Variants in SBK1 observed in about 807,000 individuals in gnomAD.
SBK1 encodes serine/threonine-protein kinase SBK1.
SBK1 carries 11 observed loss-of-function variants against 24.4 expected under a neutral mutation model. That is an observed-to-expected ratio of 0.45 (90% CI 0.28 to 0.75). The LOEUF (loss-of-function observed/expected upper bound fraction) is 0.75. Among genes scored for constraint, SBK1 ranks in the 30% least tolerant of loss-of-function variants. SBK1 has a pLI of 0.12. For missense variants in SBK1, 467 were observed against 620.5 expected (o/e 0.75, Z 2.63); for synonymous variants, 308 against 284.4 (o/e 1.08, Z -0.83).
intron 1 of SBK1, among the ~76,000 whole-genome samples, chr16:28,296,344 C>T (rs930240361): frequency 2.0e-5 from 3 of 151,994 alleles, no homozygotes; most frequent in Non-Finnish European, 2.9e-5. Context: ...CCACCCTCCT[C>T]GGCCTCCCAA....
intron 1 of SBK1, among the ~76,000 whole-genome samples, chr16:28,272,402 G>A (rs978498833): frequency 5.9e-5 from 9 of 151,760 alleles, no homozygotes; most frequent in Admixed American, 5.9e-4. Flanking sequence ...TATTCATCTT[G>A]CTTTATTGAA....
At chr16:28,292,336 G>A (rs2044605045), upstream of SBK1, among the ~76,000 whole-genome samples, 1 of 145,512 alleles carries the variant, frequency 6.9e-6, no homozygotes, top group Admixed American at 6.8e-5. Context: ...AAGGGGGTGG[G>A]GGCGCCGCGC....
chr16:28,296,468 C>T (rs1163656395), intron 1 of SBK1, among the ~76,000 whole-genome samples: 3 of 152,120 alleles, frequency 2.0e-5, no homozygotes, highest in Non-Finnish European at 4.4e-5. Flanking sequence ...GAACACCTGA[C>T]CTCAGGTGAT....
In SBK1 at chr16:28,271,840, A is replaced by G. The variant is rs8047674; in HGVS notation, c.257+12338A>G. Among the ~76,000 whole-genome samples, 1,049 of 152,324 alleles carry G rather than the reference A, an allele frequency of 6.9e-3. 14 individuals carry two copies. The highest frequency in any genetic ancestry group is 0.024 in the African/African-American group (1,006 of 41,578). On this transcript the variant is annotated intron_variant, in intron 1 of 3. Transcript: ENST00000671413. The stretch of plus-strand genomic sequence containing the variant: ...ACCGAAACTTTTGAACAGAAAAGGG[A>G]AAGAAATTTAAAATGAAAATTTCTG...
chr16:28,313,177 C>T (rs1459290713), intron 1 of SBK1, among the ~76,000 whole-genome samples: 1 of 152,048 alleles, frequency 6.6e-6, no homozygotes, highest in Non-Finnish European at 1.5e-5. Context: ...TGCCTGTGGC[C>T]CCACCTTCTC....
chr16:28,308,743 GTGTGT>G (rs1567678504), intron 1 of SBK1, among the ~76,000 whole-genome samples: 8 of 112,216 alleles, frequency 7.1e-5, no homozygotes, highest in Admixed American at 2.4e-4. Context: ...TCTTTGGGGT[GTGTGT>G]GTGTGTGTGT....
At chr16:28,309,501 G>A (rs1341988075) in intron 1 of SBK1, among the ~76,000 whole-genome samples, 6 of 152,178 alleles carry the variant, frequency 3.9e-5, no homozygotes, top group African/African-American at 9.7e-5. Flanking sequence ...CAGTTGTGGC[G>A]ATGACTGCAC....
At chr16:28,279,413 CAA>C (rs34582546) in intron 1 of SBK1, among the ~76,000 whole-genome samples, 5,366 of 84,730 alleles carry the variant, frequency 0.063, 139 homozygotes, top group Middle Eastern at 0.083. Context: ...AAAACAAAAC[CAA>C]AAAAAAAAAA....
At chr16:28,271,299 G>A (rs1267735360) in intron 1 of SBK1, among the ~76,000 whole-genome samples, 1 of 152,130 alleles carries the variant, frequency 6.6e-6, no homozygotes, top group Non-Finnish European at 1.5e-5. Context: ...GCTCACACCT[G>A]TAATCTTAGC....
rs1265782208 is a variant in SBK1 at position 28,319,520 on chromosome 16, C to A, written c.429+323C>A. Among the ~76,000 whole-genome samples, 1 of 152,060 alleles carries A rather than the reference C, an allele frequency of 6.6e-6. No homozygotes were observed. The highest frequency in any genetic ancestry group is 1.5e-5 in the Non-Finnish European group (1 of 67,994). On this transcript the variant is annotated intron_variant, in intron 3 of 3. Coordinates refer to ENST00000341901, the MANE Select transcript of SBK1 (RefSeq NM_001024401.3). The surrounding 1 kb of genome is among the most constrained non-coding windows in gnomAD (Gnocchi z 4.0). Reference sequence around the variant, plus strand: ...GGTGTCAGATCCACCTGGGAAGGGGCCCTCAGAGGAAGCGACCCTGGAACC... The same window carrying A: ...GGTGTCAGATCCACCTGGGAAGGGGACCTCAGAGGAAGCGACCCTGGAACC...
At chr16:28,278,167 C>T (rs1158358395) in intron 1 of SBK1, among the ~76,000 whole-genome samples, 1 of 152,258 alleles carries the variant, frequency 6.6e-6, no homozygotes, top group Non-Finnish European at 1.5e-5. Context: ...CCATGGCCTC[C>T]GTCTCTCTCC....
At chr16:28,299,430 C>T (rs72791857) in intron 1 of SBK1, among the ~76,000 whole-genome samples, 27 of 152,306 alleles carry the variant, frequency 1.8e-4, no homozygotes, top group Non-Finnish European at 3.8e-4. Context: ...AGGGAAGAGT[C>T]TGCCTCCCTT....
Position 28,300,651 on chromosome 16 carries a change from C to G in SBK1, c.-8+7351C>G, listed in dbSNP as rs34159158. Among the ~76,000 whole-genome samples the G allele has an allele frequency of 1.1e-3, 167 of 152,294 alleles. 4 individuals are homozygous for G. In the East Asian group the frequency reaches 0.03, roughly 27 times the overall value. ...GCTTCCTATCTCAGAGTCTCAGTTT[C>G]CTGAACTGTAAAGGATGTAAGGGGA... On this transcript the variant is annotated intron_variant, in intron 1 of 3. Coordinates refer to ENST00000341901, the MANE Select transcript of SBK1 (RefSeq NM_001024401.3).
chr16:28,317,497 A>C lies in SBK1; in HGVS notation c.106A>C (p.Met36Leu). Residue 36 changes from methionine (M) to leucine (L), a missense_variant, in exon 2 of 4, where the codon ATG becomes CTG. Met to Leu is a conservative substitution (Grantham distance 15). This residue lies in a region of SBK1 where 123 missense variants were observed against 158.2 expected (regional missense o/e 0.78). Coordinates refer to ENST00000341901, the MANE Select transcript of SBK1 (RefSeq NM_001024401.3). The surrounding 1 kb of genome is among the most constrained non-coding windows in gnomAD (Gnocchi z 4.2). The part of the protein sequence containing the change: ...GAGVPLLTED[M>L]QALTLRTLAA... Reference sequence around the variant, plus strand: ...CGGTGTGCCCCTTCTCACTGAAGACATGCAGGCCCTGACTCTCCGCACACT... The same window carrying C: ...CGGTGTGCCCCTTCTCACTGAAGACCTGCAGGCCCTGACTCTCCGCACACT... The C allele has an allele frequency of 1.9e-6, 3 of 1,614,140 alleles. No individual in the cohort carries two copies. The highest frequency in any genetic ancestry group is 2.5e-6 in the Non-Finnish European group (3 of 1,180,022).
chr16:28,281,283 C>T (rs2044531866), intron 1 of SBK1, among the ~76,000 whole-genome samples: 1 of 152,172 alleles, frequency 6.6e-6, no homozygotes, highest in South Asian at 2.1e-4. Context: ...CCAGCTCCTC[C>T]CAGCCCCCTC....
At chr16:28,286,751 A>T (rs1749283154) in intron 1 of SBK1, 1 of 152,284 alleles carries the variant, frequency 6.6e-6, no homozygotes, top group Non-Finnish European at 1.5e-5. Context: ...ACAAGGAATC[A>T]AGAGCATCAC....
chr16:28,266,265 G>C (rs1202934753), intron 1 of SBK1, among the ~76,000 whole-genome samples: 1 of 152,076 alleles, frequency 6.6e-6, no homozygotes, highest in Admixed American at 6.6e-5. Flanking sequence ...TCCTGGAGAG[G>C]CTGAGGTGGG....
chr16:28,277,354 A>G lies in SBK1; in HGVS notation c.257+17852A>G, dbSNP rs181591103. Among the ~76,000 whole-genome samples the G allele has an allele frequency of 1.6e-3, 233 of 147,658 alleles. 2 individuals are homozygous for G. The highest frequency in any genetic ancestry group is 0.01 in the Middle Eastern group (3 of 292). ...ATAGAGACAGAGAGAGAGAGAGAGAAAAAAAAAAGACAACAGGGGAGTAAC... is the reference window on the plus strand; with the variant it reads ...ATAGAGACAGAGAGAGAGAGAGAGAGAAAAAAAAGACAACAGGGGAGTAAC... On this transcript the variant is annotated intron_variant, in intron 1 of 3. Coordinates refer to the SBK1 transcript ENST00000671413.
intron 1 of SBK1, among the ~76,000 whole-genome samples, chr16:28,302,317 G>A (rs976316053): frequency 3.9e-5 from 6 of 152,264 alleles, no homozygotes; most frequent in Non-Finnish European, 8.8e-5. Context: ...GCAGTGAATA[G>A]GAGATTCCAC....
Sources: gnomAD v4.1 joint callset for allele counts (sites outside exome capture counted in the v4.1 genomes callset) on GRCh38, gnomAD v4.1.1 for gene constraint, gnomAD v4.1.1 regional missense constraint, Gnocchi (gnomAD v3.1) non-coding constraint, MANE v1.5 for transcripts, NCBI Gene and HGNC (gene_info 2026-07-23, HGNC 2026-07-21) for gene names.